PLCH2: variants seen among roughly 807,000 people sequenced by gnomAD.
PLCH2 encodes phospholipase C eta 2.
A neutral mutation model predicts 134.7 loss-of-function variants in PLCH2; 98 were observed. That is an observed-to-expected ratio of 0.73 (90% CI 0.62 to 0.86). PLCH2 has a LOEUF of 0.86. PLCH2 is among the 40% of genes least tolerant of loss of function. The probability of loss-of-function intolerance (pLI) is 0.00; values close to 1 mark genes in which losing one functional copy is unlikely to be tolerated. For missense variants in PLCH2, 1,994 were observed against 1,986.6 expected (o/e 1.00, Z -0.07); for synonymous variants, 974 against 827.5 (o/e 1.18, Z -3.04).
chr1:2,504,766 CTT>C lies in PLCH2; in HGVS notation c.3806_3807del (p.Phe1269Ter). On this transcript the variant is annotated frameshift_variant, in exon 22 of 22. Coordinates refer to ENST00000378486, the MANE Select transcript of PLCH2 (RefSeq NM_014638.4). LOFTEE classifies it high-confidence loss of function. ...TCACTGCTGATGACTTTGCCCCTAG[CTT>C]TGAGGGCGGCTCCCGCAGACTGAGC... is the stretch of plus-strand genomic sequence containing the variant. Reference protein sequence around the residue: ...DLTADDFAPSFEGGSRRLSHS... With the variant: ...DLTADDFAPSXEGGSRRLSHS... 1 of 1,612,444 alleles carries C rather than the reference CTT, an allele frequency of 6.2e-7. No homozygotes were observed. Among genetic ancestry groups the C allele is most frequent in the South Asian group, 1.1e-5 (1 of 91,074 alleles).
At position 2,449,644 on chromosome 1, in the gene PLCH2, G is replaced by A. The variant is rs535192337; in HGVS notation, c.115+19015G>A. The stretch of plus-strand genomic sequence containing the variant: ...GCCTGGGTGGGGCAGCTCTGCCCAG[G>A]TGGTGTCACTGGGGTGGAGGACATG... On this transcript the variant is annotated intron_variant, in intron 2 of 3. Coordinates refer to the PLCH2 transcript ENST00000609981. Among the ~76,000 whole-genome samples the A allele has an allele frequency of 7.2e-5, 11 of 152,362 alleles. No homozygotes were observed. The South Asian group carries it at 2.1e-3, about 29-fold the overall frequency.
chr1:2,449,110 C>T (rs12406387), intron 2 of PLCH2, among the ~76,000 whole-genome samples: 87 of 152,018 alleles, frequency 5.7e-4, no homozygotes, highest in East Asian at 4.7e-3. Context: ...TCCCCCTGGA[C>T]GGAGGAAAAT....
chr1:2,489,949 G>C, intron 10 of PLCH2, 82 bp downstream of exon 10: 1 of 1,049,822 alleles, frequency 9.5e-7, no homozygotes, highest in Non-Finnish European at 1.5e-6. Context: ...GTTGGGGCGA[G>C]TTAGAAAGGG....
intron 4 of PLCH2, among the ~76,000 whole-genome samples, chr1:2,480,684 G>A (rs867621020): frequency 6.6e-6 from 1 of 152,194 alleles, no homozygotes; most frequent in Admixed American, 6.5e-5. Flanking sequence ...CCTCGAGGGG[G>A]GTACACCAGC....
At chr1:2,431,800 G>A (rs1274136105) in intron 2 of PLCH2, among the ~76,000 whole-genome samples, 1 of 152,172 alleles carries the variant, frequency 6.6e-6, no homozygotes, top group Non-Finnish European at 1.5e-5. Context: ...CCTGGGTGGT[G>A]GATGCTGAGG....
chr1:2,480,751 G>A (rs552826032), intron 4 of PLCH2, among the ~76,000 whole-genome samples: 2 of 152,304 alleles, frequency 1.3e-5, no homozygotes, highest in African/African-American at 2.4e-5. Flanking sequence ...TGCCGCCCTC[G>A]CCCAACCACC....
At chr1:2,457,751 C>A (rs1351285627) in intron 2 of PLCH2, among the ~76,000 whole-genome samples, 23 of 152,058 alleles carry the variant, frequency 1.5e-4, no homozygotes, top group African/African-American at 5.6e-4. Context: ...CACCCTGGTA[C>A]CCACAGCCTC....
At chr1:2,449,280 C>G (rs1640087293) in intron 2 of PLCH2, among the ~76,000 whole-genome samples, 2 of 152,148 alleles carry the variant, frequency 1.3e-5, no homozygotes, top group African/African-American at 4.8e-5. Context: ...CACCTGAGAT[C>G]AGGAGTTCGA....
Position 2,504,417 on chromosome 1 carries a change from G to T in PLCH2, c.3455G>T (p.Ser1152Ile), listed in dbSNP as rs1643418815. The change falls in exon 22 of 22, where the codon AGC becomes ATC. Residue 1152 changes from serine to isoleucine, a missense_variant. Coordinates refer to ENST00000378486, the MANE Select transcript of PLCH2 (RefSeq NM_014638.4). ...SVSSSSSMSS[S>I]DTVIDLSLPS... ...TCCTCCTCCTCCAGCATGTCATCCA[G>T]CGACACTGTCATTGACCTCTCCCTG... The T allele has an allele frequency of 6.2e-7, 1 of 1,612,414 alleles. No individual in the cohort carries two copies. The highest frequency in any genetic ancestry group is 1.3e-5 in the African/African-American group (1 of 74,894).
Position 2,457,181 on chromosome 1 carries a change from G to T in PLCH2, c.116-21295G>T, listed in dbSNP as rs916749148. Among the ~76,000 whole-genome samples, 11 of 152,168 alleles carry T rather than the reference G, an allele frequency of 7.2e-5. No homozygotes were observed. In the East Asian group the frequency reaches 2.1e-3, roughly 30 times the overall value. On this transcript the variant is annotated intron_variant, in intron 2 of 3. Transcript: ENST00000609981. ...GGGTACCCAGGGCTCTCTCAGGTGG[G>T]CTGAGATGTGAACTGACCAGCTGGC...
chr1:2,486,016 C>T (rs555328288), intron 5 of PLCH2, among the ~76,000 whole-genome samples: 1 of 152,166 alleles, frequency 6.6e-6, no homozygotes, highest in African/African-American at 2.4e-5. Flanking sequence ...GAAGCTAGCA[C>T]CAGTTGGCTA....
At position 2,448,604 on chromosome 1, in the gene PLCH2, G is replaced by T. The variant is rs1400188544; in HGVS notation, c.115+17975G>T. ...GATGCGGATGTGTTTTCTGTCGGGGGTCGCCCTTCAGCCCCCTACTGTGGC... is the reference window on the plus strand; with the variant it reads ...GATGCGGATGTGTTTTCTGTCGGGGTTCGCCCTTCAGCCCCCTACTGTGGC... On this transcript the variant is annotated intron_variant, in intron 2 of 3. Coordinates refer to the PLCH2 transcript ENST00000609981. The surrounding 1 kb of genome is among the most constrained non-coding windows in gnomAD (Gnocchi z 4.0). Among the ~76,000 whole-genome samples the T allele has an allele frequency of 6.6e-6, 1 of 152,110 alleles. No individual in the cohort carries two copies. The highest frequency in any genetic ancestry group is 1.5e-5 in the Non-Finnish European group (1 of 68,014).
intron 11 of PLCH2, chr1:2,492,271 C>T (rs547416791): frequency 1.3e-5 from 2 of 152,390 alleles, no homozygotes; most frequent in Non-Finnish European, 2.9e-5. Context: ...ACAGCTGACA[C>T]CGCAGGAGAG....
upstream of PLCH2, among the ~76,000 whole-genome samples, chr1:2,474,985 T>C (rs1012379256): frequency 1.3e-5 from 2 of 152,190 alleles, no homozygotes; most frequent in African/African-American, 2.4e-5. Context: ...CATGGCTCCC[T>C]AATCTAATTC....
Position 2,496,870 on chromosome 1 carries a change from C to G in PLCH2, c.1976C>G (p.Ala659Gly). The G allele has an allele frequency of 1.9e-6, 3 of 1,612,882 alleles. No individual in the cohort carries two copies. Among genetic ancestry groups the G allele is most frequent in the Non-Finnish European group, 2.5e-6 (3 of 1,179,816 alleles). ...WQVSSFSETK[A>G]HQILQQKPAQ... ...GTGTCGTCCTTCAGCGAGACCAAGG[C>G]CCACCAGATTCTGCAGCAGAAGCCG... Residue 659 changes from alanine to glycine, a missense_variant, in exon 15 of 22, where the codon GCC (alanine) becomes GGC (glycine). Physicochemically the swap from Ala to Gly is moderately conservative, Grantham distance 60. Transcript: ENST00000378486.
At chr1:2,479,680 AG>A in intron 2 of PLCH2, 53 bp from the exon 3 acceptor site, 4 of 1,496,154 alleles carry the variant, frequency 2.7e-6, no homozygotes, top group Non-Finnish European at 3.6e-6. Context: ...GGCTGCCAGC[AG>A]GGGGACGCTG....
upstream of PLCH2, among the ~76,000 whole-genome samples, chr1:2,471,893 C>G (rs1641341119): frequency 6.6e-6 from 1 of 152,214 alleles, no homozygotes; most frequent in South Asian, 2.1e-4. Flanking sequence ...CTTCCCTCCA[C>G]AACGCCCCCA....
intron 1 of PLCH2, chr1:2,426,133 T>G (rs1638785409): frequency 6.6e-6 from 1 of 152,266 alleles, no homozygotes; most frequent in Admixed American, 6.5e-5. Context: ...TGAAGGACAC[T>G]GTATCTGAGC....
At chr1:2,420,160 G>A in the PLCH2 span, among the ~76,000 whole-genome samples, 8 of 151,864 alleles carry the variant, frequency 5.3e-5, no homozygotes, top group Non-Finnish European at 8.8e-5. Context: ...CAGGCCCCCC[G>A]CCCCAGCCCC....
Sources: gnomAD v4.1 joint callset for allele counts (sites outside exome capture counted in the v4.1 genomes callset) on GRCh38, gnomAD v4.1.1 for gene constraint, Gnocchi (gnomAD v3.1) non-coding constraint, MANE v1.5 for transcripts, NCBI Gene and HGNC (gene_info 2026-07-23, HGNC 2026-07-21) for gene names.